The following ZNF433 variants were observed in gnomAD, a reference collection of about 807,000 sequenced individuals.
The protein encoded by ZNF433 is zinc finger protein 433.
ZNF433 carries 12 observed loss-of-function variants against 10.6 expected under a neutral mutation model. That is an observed-to-expected ratio of 1.13 (90% CI 0.72 to 1.83). The LOEUF is 1.83. ZNF433 is among the 40% of genes most tolerant of loss of function. The pLI, the probability that ZNF433 is intolerant of heterozygous loss-of-function variation, is 0.00. For missense variants in ZNF433, 737 were observed against 798.0 expected (o/e 0.92, Z 0.92); for synonymous variants, 272 against 271.3 (o/e 1.00, Z -0.02).
chr19:12,018,370 T>C, intron 1 of ZNF433, 78 bp from the exon 2 acceptor site: 3 of 1,494,900 alleles, frequency 2.0e-6, no homozygotes, highest in Non-Finnish European at 8.9e-7. Flanking sequence ...TCCCAAGAGG[T>C]TTCCATGATG....
chr19:12,030,140 C>G (rs756115709), intron 1 of ZNF433: 17 of 427,264 alleles, frequency 4.0e-5, no homozygotes, highest in South Asian at 2.9e-4. Context: ...AGGCTCTTAC[C>G]AGGCACCAGA....
rs775110887 is a variant in ZNF433 at position 12,017,883 on chromosome 19, T to G, written c.184A>C (p.Asn62His). Residue 62 changes from asparagine (N) to histidine (H), a missense_variant, in exon 3 of 4, where the codon AAC (asparagine) becomes CAC (histidine). By Grantham distance (68) the Asn-to-His change is moderately conservative (BLOSUM62 1). Coordinates refer to ENST00000550507, the MANE Select transcript of ZNF433 (RefSeq NM_001308348.2). ...IYVEYENLRR[N>H]LRIVGERLFE... ...CATGTGAGTGCAAGTTACCTTAGGT[T>G]TCTCCTTAGATTTTCGTACTCTACA... 1.3e-6 allele frequency: 2 copies of G among 1,589,494 alleles called. No individual in the cohort carries two copies. Among genetic ancestry groups the G allele is most frequent in the Non-Finnish European group, 1.7e-6 (2 of 1,171,344 alleles).
chr19:12,035,575 G>A lies in ZNF433; in HGVS notation c.-36C>T. On this transcript the variant is annotated 5_prime_UTR_variant, in exon 1 of 4. Transcript: ENST00000550507. ...TCAGGTGACTCCCACGACCAGTGCGGGTCACAGCACAGGCGACAGAAGCTA... is the reference window on the plus strand; with the variant it reads ...TCAGGTGACTCCCACGACCAGTGCGAGTCACAGCACAGGCGACAGAAGCTA... 1 of 1,562,830 alleles carries A rather than the reference G, an allele frequency of 6.4e-7. No individual in the cohort carries two copies. The highest frequency in any genetic ancestry group is 1.9e-5 in the Admixed American group (1 of 52,466).
At chr19:12,018,967 G>A (rs1461614809) in intron 1 of ZNF433, among the ~76,000 whole-genome samples, 2 of 148,486 alleles carry the variant, frequency 1.3e-5, no homozygotes, top group African/African-American at 2.5e-5. Flanking sequence ...GGAGAATCGC[G>A]GGAATCCAAG....
chr19:12,025,468 A>G (rs758657359), intron 1 of ZNF433: 2 of 152,254 alleles, frequency 1.3e-5, no homozygotes, highest in Non-Finnish European at 2.9e-5. Context: ...CACTTTCACA[A>G]TTTAACCCAT....
At chr19:12,033,999 T>A (rs2145495998) in intron 1 of ZNF433, among the ~76,000 whole-genome samples, 1 of 152,214 alleles carries the variant, frequency 6.6e-6, no homozygotes, top group East Asian at 1.9e-4. Flanking sequence ...ATTTGGAAAA[T>A]GCAGAGAAGT....
At chr19:12,017,803 T>G (rs368858509) in intron 3 of ZNF433, 73 bp downstream of exon 3, 6 of 976,900 alleles carry the variant, frequency 6.1e-6, no homozygotes, top group East Asian at 5.0e-5. Flanking sequence ...GTTTCCTTTT[T>G]TTTTTTTTAA....
At chr19:12,034,225 C>G (rs1416042888) in intron 1 of ZNF433, among the ~76,000 whole-genome samples, 1 of 152,132 alleles carries the variant, frequency 6.6e-6, no homozygotes, top group Non-Finnish European at 1.5e-5. Flanking sequence ...TACAATTGGT[C>G]GAGTAACCTC....
At position 12,033,982 on chromosome 19, in the gene ZNF433, C is replaced by T. The variant is rs192351075; in HGVS notation, c.3+1555G>A. ...GGGTGGAGGGTTTGAGATCTCACTT[C>T]CCATATATTTGGAAAATGCAGAGAA... On this transcript the variant is annotated intron_variant, in intron 1 of 3. Transcript: ENST00000550507. Among the ~76,000 whole-genome samples, 125 of 152,208 alleles carry T rather than the reference C, an allele frequency of 8.2e-4. 3 individuals carry two copies. In the South Asian group the frequency reaches 0.01, roughly 13 times the overall value.
At chr19:12,019,237 A>G (rs1045297362) in intron 1 of ZNF433, among the ~76,000 whole-genome samples, 2 of 152,024 alleles carry the variant, frequency 1.3e-5, no homozygotes, top group Non-Finnish European at 2.9e-5. Flanking sequence ...CCTGGCCAAC[A>G]TGGTGAAACA....
At chr19:12,019,052 TAAAAAAAAAA>T (rs754859866) in intron 1 of ZNF433, among the ~76,000 whole-genome samples, 2 of 62,812 alleles carry the variant, frequency 3.2e-5, no homozygotes, top group Non-Finnish European at 6.7e-5. Flanking sequence ...TCCATCTTAA[TAAAAAAAAAA>T]AAAAAAAAAA....
chr19:12,031,303 AAAAAAAACAAAAC>A (rs1167702420), intron 1 of ZNF433, among the ~76,000 whole-genome samples: 6,304 of 143,112 alleles, frequency 0.044, 696 homozygotes, highest in African/African-American at 0.18. Flanking sequence ...TCAAAAAAAA[AAAAAAAACAAAAC>A]AAAAAAAAAA....
intron 1 of ZNF433, among the ~76,000 whole-genome samples, chr19:12,020,733 A>G (rs374478253): frequency 2.6e-5 from 4 of 152,098 alleles, no homozygotes; most frequent in Non-Finnish European, 4.4e-5. Context: ...ACTGATTAAC[A>G]TGGTGAAACC....
rs1278300247 is a variant in ZNF433, at chr19:12,016,557, A to G, written c.301T>C (p.Cys101Arg). Residue 101 changes from cysteine to arginine, a missense_variant, in exon 4 of 4, where the codon TGC (cysteine) becomes CGC (arginine). By Grantham distance (180) the Cys-to-Arg change is radical (BLOSUM62 -3). Coordinates refer to ENST00000550507, the MANE Select transcript of ZNF433 (RefSeq NM_001308348.2). Reference protein sequence around the residue: ...LKKTTTGVKSCESSVYGEVGS... With the variant: ...LKKTTTGVKSRESSVYGEVGS... ...ACTTCTCCATACACACTGCTTTCGC[A>G]TGATTTTACTCCAGTAGTTGTTTTC... is the stretch of plus-strand genomic sequence containing the variant. 6.2e-7 allele frequency: 1 copy of G among 1,614,018 alleles called. No homozygotes were observed. Among genetic ancestry groups the G allele is most frequent in the Non-Finnish European group, 8.5e-7 (1 of 1,180,034 alleles).
At chr19:12,035,210 C>G (rs1975227860) in intron 1 of ZNF433, among the ~76,000 whole-genome samples, 1 of 152,232 alleles carries the variant, frequency 6.6e-6, no homozygotes, top group African/African-American at 2.4e-5. Flanking sequence ...CACAAACCCC[C>G]ACACCCGAGG....
chr19:12,019,694 G>C (rs1974391345), intron 1 of ZNF433, among the ~76,000 whole-genome samples: 1 of 152,148 alleles, frequency 6.6e-6, no homozygotes, highest in South Asian at 2.1e-4. Context: ...ATGGCTGCAT[G>C]CATAATGAAA....
At chr19:12,031,598 C>T (rs868777965) in intron 1 of ZNF433, among the ~76,000 whole-genome samples, 2 of 151,906 alleles carry the variant, frequency 1.3e-5, no homozygotes, top group Admixed American at 6.6e-5. Context: ...GAGCCAAGAT[C>T]GTGCCACTGC....
chr19:12,020,558 G>C (rs747336552), intron 1 of ZNF433, among the ~76,000 whole-genome samples: 1 of 152,078 alleles, frequency 6.6e-6, no homozygotes, highest in Non-Finnish European at 1.5e-5. Flanking sequence ...ACGTCCTTTC[G>C]AGAGAGGAGT....
chr19:12,026,341 A>T (rs1052294042), intron 1 of ZNF433: 8 of 244,900 alleles, frequency 3.3e-5, no homozygotes, highest in Admixed American at 5.2e-5. Context: ...CCCAACTGTC[A>T]CGAGCAACAA....
Sources: allele counts gnomAD v4.1 joint callset (sites outside exome capture counted in the v4.1 genomes callset), GRCh38; gene constraint gnomAD v4.1.1; transcripts MANE v1.5; gene names NCBI Gene and HGNC (gene_info 2026-07-23, HGNC 2026-07-21).